CDCA7L: variants seen among roughly 807,000 people sequenced by gnomAD.
The protein encoded by CDCA7L is cell division cycle-associated 7-like protein.
CDCA7L carries 44 observed loss-of-function variants against 57.4 expected under a neutral mutation model. The ratio of observed to expected loss-of-function variants is 0.77; its 90% CI spans 0.60 to 0.98. CDCA7L has a LOEUF of 0.98. Ranked by LOEUF, CDCA7L falls within the 50% of genes least tolerant of loss-of-function variation. The pLI is 0.00. For missense variants in CDCA7L, 644 were observed against 580.6 expected, an observed-to-expected ratio of 1.11 and a Z score of -1.12; for synonymous variants, 236 against 202.8, an observed-to-expected ratio of 1.16 and a Z score of -1.39.
At chr7:21,902,659 C>T in intron 9 of CDCA7L, 1 of 500,606 alleles carries the variant, frequency 2.0e-6, no homozygotes, top group Non-Finnish European at 3.6e-6. Flanking sequence ...TTATGGCTGC[C>T]TCTTCATAAT....
chr7:21,928,885 C>T (rs138934356), intron 1 of CDCA7L, among the ~76,000 whole-genome samples: 10 of 152,048 alleles, frequency 6.6e-5, no homozygotes, highest in African/African-American at 1.9e-4. Flanking sequence ...ACACTCTGCA[C>T]GATATTATCC....
chr7:21,930,250 A>G (rs1007952214), intron 1 of CDCA7L, among the ~76,000 whole-genome samples: 3 of 152,238 alleles, frequency 2.0e-5, no homozygotes, highest in African/African-American at 4.8e-5. Flanking sequence ...ACAGAAATAA[A>G]TAAGTTCTTT....
chr7:21,922,642 T>TA (rs1241233840), intron 1 of CDCA7L, among the ~76,000 whole-genome samples: 1 of 152,212 alleles, frequency 6.6e-6, no homozygotes, highest in Non-Finnish European at 1.5e-5. Flanking sequence ...TTAATATATC[T>TA]ACTAGTGCCT....
chr7:21,901,415 G>C lies in CDCA7L; in HGVS notation c.*907C>G. On this transcript the variant is annotated 3_prime_UTR_variant, in exon 10 of 10. Transcript: ENST00000406877. ...GAGTGAAAGTCAGAAAAAAATACTA[G>C]AAACTAACTCAGGGCTGAGCGTGGT... The C allele has an allele frequency of 5.7e-6, 6 of 1,053,314 alleles. No individual in the cohort carries two copies. In the Admixed American group the frequency reaches 1.0e-4, roughly 18 times the overall value. The allele number at this position is 1,053,314 out of a possible 1,614,324, so 65.2% of individuals were successfully genotyped here.
chr7:21,925,758 A>G (rs999620244), intron 1 of CDCA7L, among the ~76,000 whole-genome samples: 8 of 152,244 alleles, frequency 5.3e-5, no homozygotes, highest in African/African-American at 1.7e-4. Context: ...GCATAGTGGC[A>G]TGTCTGTAGT....
chr7:21,927,875 G>A (rs530270530), intron 1 of CDCA7L, among the ~76,000 whole-genome samples: 1 of 152,222 alleles, frequency 6.6e-6, no homozygotes, highest in Admixed American at 6.5e-5. Flanking sequence ...GAAAGGCGTG[G>A]CTGTGGGCCC....
In CDCA7L at chr7:21,922,529, G is replaced by A. The variant is rs34028580; in HGVS notation, c.25-5635C>T. Among the ~76,000 whole-genome samples, 1,351 of 152,282 alleles carry A rather than the reference G, an allele frequency of 8.9e-3. 7 individuals are homozygous for A. Among genetic ancestry groups the A allele is most frequent in the Non-Finnish European group, 0.015 (1,037 of 68,028 alleles). On this transcript the variant is annotated intron_variant, in intron 1 of 9. Transcript: ENST00000406877. The stretch of plus-strand genomic sequence containing the variant: ...GTAAGAAACTTCCCATCTACAGACT[G>A]GATCTCAAACTTGTTCAGGGAACAT...
chr7:21,934,894 T>C (rs1425791698), intron 1 of CDCA7L, among the ~76,000 whole-genome samples: 3 of 152,018 alleles, frequency 2.0e-5, no homozygotes, highest in Admixed American at 6.5e-5. Context: ...ACACCAAACA[T>C]CAAAGATCCC....
intron 2 of CDCA7L, 24 bp downstream of exon 2, chr7:21,916,730 C>A: frequency 6.2e-7 from 1 of 1,610,580 alleles, no homozygotes; most frequent in Non-Finnish European, 8.5e-7. Context: ...ATGAACACAT[C>A]TGCTTGGAAG....
intron 1 of CDCA7L, among the ~76,000 whole-genome samples, chr7:21,939,222 T>C (rs1274751025): frequency 1.3e-5 from 2 of 152,030 alleles, no homozygotes; most frequent in Non-Finnish European, 2.9e-5. Context: ...AATTGTTTAG[T>C]AGGTAGAGAG....
rs747150378 is a variant in CDCA7L at position 21,908,251 on chromosome 7, C to G, written c.560G>C (p.Arg187Thr). 17 of 1,613,762 alleles carry G rather than the reference C, an allele frequency of 1.1e-5. No individual in the cohort carries two copies. Among genetic ancestry groups the G allele is most frequent in the Middle Eastern group, 1.7e-4 (1 of 6,054 alleles). ...AGAATCTTCCCTTTGTATCACCTGT[C>G]TACAGTCTTTCTTTCTTTCAAGAAT... The part of the protein sequence containing the change: ...KTILERKKDC[R>T]QVIQREDSTS... The change falls in exon 4 of 10, where the codon AGA (arginine) becomes ACA (threonine). Residue 187 changes from arginine (R) to threonine (T), a missense_variant. Arg to Thr is a moderately conservative substitution (Grantham distance 71). Transcript: ENST00000406877.
rs550255086 is a variant in CDCA7L, at chr7:21,935,558, G to C, written c.24+10223C>G. Among the ~76,000 whole-genome samples the C allele has an allele frequency of 6.1e-5, 9 of 147,036 alleles. 1 individual carries two copies. In the South Asian group the frequency reaches 1.9e-3, roughly 32 times the overall value. On this transcript the variant is annotated intron_variant, in intron 1 of 9. Coordinates refer to ENST00000406877, the MANE Select transcript of CDCA7L (RefSeq NM_018719.5). ...ACAGATATGAATAGAATAGATAATA[G>C]AATAAGAGAAAAATCAATGAAGCCA...
Position 21,902,320 on chromosome 7 carries a change from T to TCTTAATTGTCTTCTACCAGCTC in CDCA7L, c.1345_*1dup, listed in dbSNP as rs1784933172. The TCTTAATTGTCTTCTACCAGCTC allele has an allele frequency of 6.2e-7, 1 of 1,613,742 alleles. No individual in the cohort carries two copies. Among genetic ancestry groups the TCTTAATTGTCTTCTACCAGCTC allele is most frequent in the Non-Finnish European group, 8.5e-7 (1 of 1,179,744 alleles). On this transcript the variant is annotated 3_prime_UTR_variant, in exon 10 of 10. Coordinates refer to ENST00000406877, the MANE Select transcript of CDCA7L (RefSeq NM_018719.5). ...AGGTGGCTGGTTCTGTTTGTTTTCC[T>TCTTAATTGTCTTCTACCAGCTC]CTTAATTGTCTTCTACCAGCTCCTT...
chr7:21,920,684 T>C (rs530679695), intron 1 of CDCA7L, among the ~76,000 whole-genome samples: 2 of 152,344 alleles, frequency 1.3e-5, no homozygotes, highest in East Asian at 3.9e-4. Flanking sequence ...GGGGAAAATA[T>C]TGAAACTTTT....
intron 1 of CDCA7L, among the ~76,000 whole-genome samples, chr7:21,926,858 G>A (rs1446971503): frequency 1.3e-5 from 2 of 152,132 alleles, no homozygotes; most frequent in Non-Finnish European, 2.9e-5. Flanking sequence ...GGGTGACAGA[G>A]CAAGACCCTG....
intron 1 of CDCA7L, among the ~76,000 whole-genome samples, chr7:21,931,760 G>A (rs980462907): frequency 2.0e-5 from 3 of 152,066 alleles, no homozygotes; most frequent in African/African-American, 7.2e-5. Context: ...TCAACATTCT[G>A]ATTCTTCCTA....
intron 1 of CDCA7L, among the ~76,000 whole-genome samples, chr7:21,921,815 T>A (rs1317223677): frequency 1.3e-5 from 2 of 152,280 alleles, no homozygotes; most frequent in Non-Finnish European, 2.9e-5. Flanking sequence ...AAAAGACCGT[T>A]TCATTATTTA....
At chr7:21,944,449 C>CAAAAAAAAAAAAAAAAAAAAAAA (rs59373889) in intron 1 of CDCA7L, among the ~76,000 whole-genome samples, 3 of 61,634 alleles carry the variant, frequency 4.9e-5, no homozygotes, top group African/African-American at 2.7e-4. Context: ...ACTCCGTCTC[C>CAAAAAAAAAAAAAAAAAAAAAAA]AAAAAAAAAA....
At chr7:21,937,534 A>T (rs1475921032) in intron 1 of CDCA7L, among the ~76,000 whole-genome samples, 1 of 151,832 alleles carries the variant, frequency 6.6e-6, no homozygotes, top group Non-Finnish European at 1.5e-5. Flanking sequence ...GCTACTCGGG[A>T]GGCTGAGGCA....
Sources: allele counts gnomAD v4.1 joint callset (sites outside exome capture counted in the v4.1 genomes callset), GRCh38; gene constraint gnomAD v4.1.1; transcripts MANE v1.5; gene names NCBI Gene and HGNC (gene_info 2026-07-23, HGNC 2026-07-21).